UBE3B: variants seen among roughly 807,000 people sequenced by gnomAD.
The protein encoded by UBE3B is ubiquitin-protein ligase E3B.
UBE3B carries 80 observed loss-of-function variants against 132.3 expected under a neutral mutation model. That is an observed-to-expected ratio of 0.60 (90% confidence interval 0.50 to 0.73). The LOEUF (loss-of-function observed/expected upper bound fraction) is 0.73, where lower values mean the gene tolerates loss of function less well. UBE3B is among the 30% of genes least tolerant of loss of function. UBE3B has a pLI of 0.00. For synonymous variants in UBE3B, 487 were observed against 520.4 expected, an observed-to-expected ratio of 0.94 and a Z score of 0.87; for missense variants, 1,196 against 1,362.5, an observed-to-expected ratio of 0.88 and a Z score of 1.92.
At chr12:109,542,329 C>T in the UBE3B span, among the ~76,000 whole-genome samples, 3 of 152,152 alleles carry the variant, frequency 2.0e-5, no homozygotes, top group African/African-American at 7.2e-5. Flanking sequence ...CATTTCCTGG[C>T]TTATGTCTTG....
At chr12:109,523,053 A>T (rs1312871229) in intron 21 of UBE3B, among the ~76,000 whole-genome samples, 1 of 151,360 alleles carries the variant, frequency 6.6e-6, no homozygotes, top group Non-Finnish European at 1.5e-5. Flanking sequence ...TCCCTCCCTC[A>T]CCTCTGACAG....
intron 19 of UBE3B, chr12:109,518,020 A>T (rs1051674821): frequency 9.9e-5 from 40 of 405,206 alleles, no homozygotes; most frequent in African/African-American, 7.7e-4. Flanking sequence ...CAAGGTAGGC[A>T]TAAGGAATTG....
intron 18 of UBE3B, among the ~76,000 whole-genome samples, chr12:109,514,396 C>T (rs893565075): frequency 6.6e-6 from 1 of 152,178 alleles, no homozygotes; most frequent in Admixed American, 6.5e-5. Flanking sequence ...GTTGCCCAGC[C>T]CTTGCAGCCT....
chr12:109,500,987 C>T (rs1878910023), intron 12 of UBE3B, among the ~76,000 whole-genome samples: 1 of 152,088 alleles, frequency 6.6e-6, no homozygotes, highest in Non-Finnish European at 1.5e-5. Flanking sequence ...CCCTGGAATG[C>T]AAGGAAACAC....
chr12:109,515,004 A>G lies in UBE3B; in HGVS notation c.1957-1761A>G, dbSNP rs185164846. 7.3e-5 allele frequency among the ~76,000 whole-genome samples: 11 copies of G among 151,186 alleles called. No homozygotes were observed. The East Asian group carries it at 2.0e-3, about 27-fold the overall frequency. Reference sequence around the variant, plus strand: ...TCTCAGCTCACTGCAAGCTCCACCTACCGGGTTCACGCCATTCTCCTGCCT... The same window carrying G: ...TCTCAGCTCACTGCAAGCTCCACCTGCCGGGTTCACGCCATTCTCCTGCCT... On this transcript the variant is annotated intron_variant, in intron 18 of 27. Transcript: ENST00000342494.
chr12:109,510,140 A>G (rs537727457), intron 16 of UBE3B, among the ~76,000 whole-genome samples: 43 of 152,326 alleles, frequency 2.8e-4, no homozygotes, highest in Admixed American at 9.8e-4. Context: ...GGGAGGCAGC[A>G]TGAGTGATTT....
At chr12:109,519,172 A>G (rs1232518740) in intron 19 of UBE3B, among the ~76,000 whole-genome samples, 2 of 152,208 alleles carry the variant, frequency 1.3e-5, no homozygotes, top group African/African-American at 4.8e-5. Context: ...TCAAAGGCAG[A>G]ACTGAGGCCA....
the UBE3B span, among the ~76,000 whole-genome samples, chr12:109,544,680 G>A: frequency 6.6e-6 from 1 of 152,142 alleles, no homozygotes; most frequent in Admixed American, 6.5e-5. Flanking sequence ...TGTCACTGGG[G>A]ATTCCTGCCC....
intron 13 of UBE3B, 72 bp from the exon 14 acceptor site, chr12:109,502,951 T>A: frequency 1.1e-5 from 17 of 1,589,302 alleles, no homozygotes; most frequent in Non-Finnish European, 1.3e-5. Flanking sequence ...ACTGAAATGC[T>A]CTTCCTTTTC....
chr12:109,501,657 G>A (rs375217782), intron 13 of UBE3B, 123 bp downstream of exon 13: 128 of 1,210,454 alleles, frequency 1.1e-4, no homozygotes, highest in African/African-American at 4.6e-4. Flanking sequence ...TGTTGTTATC[G>A]TTCTTGTTGT....
Position 109,498,243 on chromosome 12 carries a change from T to C in UBE3B, c.830T>C (p.Val277Ala). Residue 277 changes from valine (V) to alanine (A), a missense_variant, in exon 11 of 28, where the codon GTT (valine) becomes GCT (alanine). By Grantham distance (64) the Val-to-Ala change is moderately conservative (BLOSUM62 0). Coordinates refer to ENST00000342494, the MANE Select transcript of UBE3B (RefSeq NM_130466.4). ...LSTVTPERLT[V>A]LESHDMLRKF... The stretch of plus-strand genomic sequence containing the variant: ...TGCTATTCTTTGCAGCGCCTCACTG[T>C]TTTAGAATCCCATGACATGCTTCGT... 1 of 1,614,116 alleles carries C rather than the reference T, an allele frequency of 6.2e-7. No homozygotes were observed.
At chr12:109,545,726 C>T in the UBE3B span, among the ~76,000 whole-genome samples, 1 of 152,178 alleles carries the variant, frequency 6.6e-6, no homozygotes, top group Non-Finnish European at 1.5e-5. Flanking sequence ...AGCCCGCTGC[C>T]TCCACTGCTT....
chr12:109,544,371 G>C, the UBE3B span, among the ~76,000 whole-genome samples: 1 of 132,994 alleles, frequency 7.5e-6, no homozygotes, highest in Non-Finnish European at 1.6e-5. Context: ...GAGACATCTT[G>C]TGAAGTGGGG....
chr12:109,530,149 TAG>T (rs985361548), intron 25 of UBE3B, 77 bp downstream of exon 25: 1 of 1,555,186 alleles, frequency 6.4e-7, no homozygotes, highest in Non-Finnish European at 8.8e-7. Context: ...GGGTTCCTTT[TAG>T]AGAGTTGTTT....
chr12:109,503,417 A>G (rs1257084722), intron 14 of UBE3B, among the ~76,000 whole-genome samples: 1 of 152,112 alleles, frequency 6.6e-6, no homozygotes, highest in African/African-American at 2.4e-5. Flanking sequence ...TCTTACTTTA[A>G]TTATGAAGTA....
At chr12:109,497,993 G>A (rs1878455205) in intron 10 of UBE3B, 70 bp downstream of exon 10, 1 of 1,532,968 alleles carries the variant, frequency 6.5e-7, no homozygotes, top group African/African-American at 1.4e-5. Flanking sequence ...ACATTAGAAA[G>A]TAAAATGGCT....
At chr12:109,514,926 T>G (rs1880823223) in intron 18 of UBE3B, among the ~76,000 whole-genome samples, 1 of 151,510 alleles carries the variant, frequency 6.6e-6, no homozygotes, top group Non-Finnish European at 1.5e-5. Flanking sequence ...TTTTTTTTTT[T>G]TTATTAAGAC....
chr12:109,521,229 G>T lies in UBE3B; in HGVS notation c.2158G>T (p.Val720Leu). 1.2e-6 allele frequency: 2 copies of T among 1,614,232 alleles called. No homozygotes were observed. The highest frequency in any genetic ancestry group is 1.1e-5 in the South Asian group (1 of 91,084). ...IRVKFVNDLG[V>L]DEAGIDQDGV... The stretch of plus-strand genomic sequence containing the variant: ...TGTGAAGTTTGTCAATGACCTCGGG[G>T]TGGACGAAGCAGGGATTGATCAAGA... Residue 720 changes from valine to leucine, a missense_variant, in exon 20 of 28, where the codon GTG (valine) becomes TTG (leucine). Val to Leu is a conservative substitution (Grantham distance 32). Transcript: ENST00000342494. The surrounding 1 kb of genome is among the most constrained non-coding windows in gnomAD (Gnocchi z 4.2).
chr12:109,484,452 G>A (rs993157862), intron 4 of UBE3B, among the ~76,000 whole-genome samples: 1 of 151,846 alleles, frequency 6.6e-6, no homozygotes, highest in Non-Finnish European at 1.5e-5. Context: ...GTGCAGTGGC[G>A]CAGTCTTGGC....
Sources: gnomAD v4.1 joint callset for allele counts (sites outside exome capture counted in the v4.1 genomes callset) on GRCh38, gnomAD v4.1.1 for gene constraint, Gnocchi (gnomAD v3.1) non-coding constraint, MANE v1.5 for transcripts, NCBI Gene and HGNC (gene_info 2026-07-23, HGNC 2026-07-21) for gene names.